The following UBN2 variants were observed in gnomAD, a reference collection of about 807,000 sequenced individuals.
UBN2 encodes the protein ubinuclein 2.
In UBN2, 35 loss-of-function variants were observed where a neutral mutation model predicts 120.2. That is an observed-to-expected ratio of 0.29 (90% CI 0.22 to 0.39). The LOEUF (loss-of-function observed/expected upper bound fraction) is 0.39, where lower values mean the gene tolerates loss of function less well. Among genes scored for constraint, UBN2 ranks in the 10% least tolerant of loss-of-function variants. The pLI is 1.00. For missense variants in UBN2, 1,693 were observed against 1,663.2 expected, an observed-to-expected ratio of 1.02 and a Z score of -0.31; for synonymous variants, 661 against 648.7, an observed-to-expected ratio of 1.02 and a Z score of -0.29.
chr7:139,289,641 G>A (rs1797893596), intron 15 of UBN2, among the ~76,000 whole-genome samples: 1 of 151,894 alleles, frequency 6.6e-6, no homozygotes, highest in Admixed American at 6.6e-5. Flanking sequence ...TGAACCCCTG[G>A]CCTCAGGTGA....
the UBN2 span, among the ~76,000 whole-genome samples, chr7:139,322,572 G>A: frequency 6.6e-6 from 1 of 150,644 alleles, no homozygotes; most frequent in Non-Finnish European, 1.5e-5. Flanking sequence ...GCAATGGGGA[G>A]ACGTTTCATT....
chr7:139,314,642 C>T, the UBN2 span, among the ~76,000 whole-genome samples: 1 of 151,944 alleles, frequency 6.6e-6, no homozygotes, highest in Non-Finnish European at 1.5e-5. Flanking sequence ...TGCACCACCA[C>T]ACCCAGCTAA....
At chr7:139,237,826 T>C (rs1201920511) in intron 2 of UBN2, among the ~76,000 whole-genome samples, 1 of 152,094 alleles carries the variant, frequency 6.6e-6, no homozygotes, top group Non-Finnish European at 1.5e-5. Flanking sequence ...TTCTGAAACC[T>C]TCCTGCCTCC....
At position 139,303,792 on chromosome 7, in the gene UBN2, T is replaced by G. The variant is rs1489760699; in HGVS notation, c.*5956T>G. 2.0e-5 allele frequency: 3 copies of G among 152,228 alleles called. No individual in the cohort carries two copies. Among genetic ancestry groups the G allele is most frequent in the Admixed American group, 6.5e-5 (1 of 15,288 alleles). 9.4% of individuals were successfully genotyped at this position (152,228 alleles called of 1,614,324 possible). A position where few individuals can be genotyped will look rare whatever the true frequency, so the allele number is the denominator to read the frequency against. ...TCACTGGAATTTTAATTTAGATACA[T>G]ATTTGTTATTTAAACATTATCTTTG... is the stretch of plus-strand genomic sequence containing the variant. On this transcript the variant is annotated 3_prime_UTR_variant, in exon 18 of 18. Transcript: ENST00000473989.
chr7:139,275,381 A>G (rs1244785216), intron 11 of UBN2, among the ~76,000 whole-genome samples: 1 of 151,028 alleles, frequency 6.6e-6, no homozygotes, highest in Admixed American at 6.6e-5. Context: ...CAGGAGATTG[A>G]GACCATCCTG....
At chr7:139,282,839 T>G (rs1053275616) in intron 14 of UBN2, among the ~76,000 whole-genome samples, 185 bp from the exon 15 acceptor site, 3 of 152,164 alleles carry the variant, frequency 2.0e-5, no homozygotes, top group African/African-American at 7.2e-5. Context: ...AGATACTTTG[T>G]CTTGTGAGGA....
chr7:139,320,584 G>T, the UBN2 span, among the ~76,000 whole-genome samples: 1 of 152,078 alleles, frequency 6.6e-6, no homozygotes, highest in Non-Finnish European at 1.5e-5. Context: ...GATTGTAGTT[G>T]CAGTGGCTCA....
the UBN2 span, among the ~76,000 whole-genome samples, chr7:139,314,163 A>G: frequency 6.8e-6 from 1 of 148,138 alleles, no homozygotes; most frequent in Non-Finnish European, 1.5e-5. Flanking sequence ...ACTCTTTTAG[A>G]AGTTTATTTG....
chr7:139,308,482 T>G (rs1798402737), downstream of UBN2, among the ~76,000 whole-genome samples: 1 of 152,166 alleles, frequency 6.6e-6, no homozygotes, highest in Non-Finnish European at 1.5e-5. Context: ...ACCTGACATT[T>G]GAGTTCACAG....
At chr7:139,287,476 A>G (rs1455290976) in intron 15 of UBN2, among the ~76,000 whole-genome samples, 1 of 152,100 alleles carries the variant, frequency 6.6e-6, no homozygotes, top group East Asian at 1.9e-4. Context: ...TTTTGTTCCC[A>G]GAGATCTTCC....
chr7:139,293,572 GTTTTT>G lies in UBN2; in HGVS notation c.3901+122_3901+126del, dbSNP rs201538099. The stretch of plus-strand genomic sequence containing the variant: ...CCAGTTGGAGTTAATGAAGATTATA[GTTTTT>G]TTTTTTTTTTTTAAGAAATGCAGTT... On this transcript the variant is annotated intron_variant, in intron 16 of 17. Coordinates refer to ENST00000473989, the MANE Select transcript of UBN2 (RefSeq NM_173569.4). 6 of 690,118 alleles carry G rather than the reference GTTTTT, an allele frequency of 8.7e-6. No homozygotes were observed. In the East Asian group the frequency reaches 1.2e-4, roughly 13 times the overall value. 42.7% of individuals were successfully genotyped at this position (690,118 alleles called of 1,614,324 possible).
chr7:139,240,454 A>ATTTTTTT (rs10682001), intron 2 of UBN2, among the ~76,000 whole-genome samples: 3 of 123,148 alleles, frequency 2.4e-5, no homozygotes, highest in African/African-American at 9.6e-5. Context: ...ATATATATAT[A>ATTTTTTT]TTTTTTTTTT....
chr7:139,310,169 G>A (rs909672849), downstream of UBN2, among the ~76,000 whole-genome samples: 5 of 151,920 alleles, frequency 3.3e-5, no homozygotes, highest in Admixed American at 1.3e-4. Flanking sequence ...TTGGCTTGGA[G>A]GGAAAACACA....
rs755853186 is a variant in UBN2, at chr7:139,293,342, T to C, written c.3780T>C (p.Leu1260=). ...NVTPFGMLGG[L]VPVTMPFQFP... The stretch of plus-strand genomic sequence containing the variant: ...CTCCTTTTGGGATGCTGGGTGGCCT[T>C]GTTCCAGTGACCATGCCCTTCCAGT... Residue 1260 remains leucine, a synonymous_variant, in exon 16 of 18, where the codon CTT becomes CTC. Transcript: ENST00000473989. 1.2e-6 allele frequency: 2 copies of C among 1,614,234 alleles called. No individual in the cohort carries two copies. Among genetic ancestry groups the C allele is most frequent in the Non-Finnish European group, 1.7e-6 (2 of 1,180,036 alleles).
rs1157873016 is a variant in UBN2, at chr7:139,284,556, G to A, written c.3651G>A (p.Val1217=). ...CATCCACTGCCTCAGGGTCTTCAGT[G>A]GTAACAGCCAGTGTGCAGGTATGTA... is the stretch of plus-strand genomic sequence containing the variant. ...HRPSTASGSS[V]VTASVQSTAG... Residue 1217 remains valine, a synonymous_variant, in exon 15 of 18, where the codon GTG becomes GTA. Coordinates refer to ENST00000473989, the MANE Select transcript of UBN2 (RefSeq NM_173569.4). 1 of 1,611,338 alleles carries A rather than the reference G, an allele frequency of 6.2e-7. No individual in the cohort carries two copies. The highest frequency in any genetic ancestry group is 1.7e-5 in the Admixed American group (1 of 59,964).
chr7:139,276,883 G>C (rs893536741), intron 12 of UBN2: 1 of 155,118 alleles, frequency 6.4e-6, no homozygotes, highest in Non-Finnish European at 1.4e-5. Flanking sequence ...GGGCAACATG[G>C]CGAAACTCCA....
chr7:139,254,490 G>C (rs1262502051), intron 3 of UBN2, among the ~76,000 whole-genome samples: 1 of 152,230 alleles, frequency 6.6e-6, no homozygotes, highest in Non-Finnish European at 1.5e-5. Context: ...ACTTGGTGCA[G>C]AAGTCTAGAT....
At chr7:139,269,673 C>T in intron 8 of UBN2, 150 bp downstream of exon 8, 2 of 826,116 alleles carry the variant, frequency 2.4e-6, no homozygotes, top group Non-Finnish European at 3.6e-6. Flanking sequence ...ATGTTGGATC[C>T]CCTGAAAAAT....
intron 3 of UBN2, among the ~76,000 whole-genome samples, chr7:139,254,793 C>T (rs1018226000): frequency 6.6e-6 from 1 of 152,184 alleles, no homozygotes; most frequent in Non-Finnish European, 1.5e-5. Flanking sequence ...ACTTTCTTTT[C>T]TTAGAGCAGT....
Sources: gnomAD v4.1 joint callset for allele counts (sites outside exome capture counted in the v4.1 genomes callset) on GRCh38, gnomAD v4.1.1 for gene constraint, MANE v1.5 for transcripts, NCBI Gene and HGNC (gene_info 2026-07-23, HGNC 2026-07-21) for gene names.